The following CYTH1 variants were observed in gnomAD, a reference collection of about 807,000 sequenced individuals.
CYTH1 encodes the protein cytohesin 1.
In CYTH1, 18 loss-of-function variants were observed where a neutral mutation model predicts 61.8. The observed-to-expected ratio is 0.29, with a 90% CI of 0.20 to 0.43. CYTH1 has a LOEUF of 0.43. Among genes scored for constraint, CYTH1 ranks in the 20% least tolerant of loss-of-function variants. The pLI is 1.00. For synonymous variants in CYTH1, 174 were observed against 184.3 expected, an observed-to-expected ratio of 0.94 and a Z score of 0.45; for missense variants, 336 against 510.5, an observed-to-expected ratio of 0.66 and a Z score of 3.29.
chr17:78,694,361 C>T (rs888516686), intron 10 of CYTH1, among the ~76,000 whole-genome samples: 3 of 152,238 alleles, frequency 2.0e-5, no homozygotes, highest in African/African-American at 7.2e-5. Context: ...CCTCCAGTAA[C>T]TTCTAAGTTT....
At chr17:78,760,528 T>C (rs1230629030) in intron 1 of CYTH1, among the ~76,000 whole-genome samples, 2 of 47,400 alleles carry the variant, frequency 4.2e-5, no homozygotes, top group Admixed American at 2.4e-4. Context: ...TATATATATA[T>C]ATACATACAT....
At chr17:78,738,937 A>G (rs2093331690) in intron 1 of CYTH1, among the ~76,000 whole-genome samples, 1 of 152,230 alleles carries the variant, frequency 6.6e-6, no homozygotes, top group Non-Finnish European at 1.5e-5. Context: ...GCTTTCACAG[A>G]TGCTGCCAAA....
At position 78,702,033 on chromosome 17, in the gene CYTH1, C is replaced by G; in HGVS notation, c.356+89G>C. 3 of 1,161,020 alleles carry G rather than the reference C, an allele frequency of 2.6e-6. No individual in the cohort carries two copies. In the South Asian group the frequency reaches 4.0e-5, roughly 16 times the overall value. 71.9% of individuals were successfully genotyped at this position (1,161,020 alleles called of 1,614,324 possible). A position where few individuals can be genotyped will look rare whatever the true frequency, so the allele number is the denominator to read the frequency against. ...CAGATGCTTTAAGGCAAAAACCCCT[C>G]CAAGAACTTCAGAGTATTTGGGAGT... is the stretch of plus-strand genomic sequence containing the variant. On this transcript the variant is annotated intron_variant, in intron 5 of 13. Coordinates refer to ENST00000446868, the MANE Select transcript of CYTH1 (RefSeq NM_004762.6).
chr17:78,760,120 T>G (rs2093416061), intron 1 of CYTH1, among the ~76,000 whole-genome samples: 1 of 151,832 alleles, frequency 6.6e-6, no homozygotes, highest in Non-Finnish European at 1.5e-5. Context: ...ACCACCATTC[T>G]AACCCAAATT....
At chr17:78,735,885 C>T (rs1429589046) in intron 1 of CYTH1, among the ~76,000 whole-genome samples, 1 of 152,216 alleles carries the variant, frequency 6.6e-6, no homozygotes, top group African/African-American at 2.4e-5. Context: ...AACACACACA[C>T]ATCCACAAAC....
At chr17:78,745,829 T>C (rs1298404933) in intron 1 of CYTH1, among the ~76,000 whole-genome samples, 1 of 152,072 alleles carries the variant, frequency 6.6e-6, no homozygotes, top group African/African-American at 2.4e-5. Context: ...GAGGCAGAGG[T>C]TGCAGTGAGC....
In CYTH1 at chr17:78,720,807, T is replaced by A. The variant is rs995528657; in HGVS notation, c.23-11075A>T. Among the ~76,000 whole-genome samples, 4 of 152,130 alleles carry A rather than the reference T, an allele frequency of 2.6e-5. No individual in the cohort carries two copies. In the East Asian group the frequency reaches 7.8e-4, roughly 30 times the overall value. On this transcript the variant is annotated intron_variant, in intron 1 of 13. Transcript: ENST00000446868. ...CGAGGACCGCGTAAGCCCTGGAATG[T>A]GGAGGTTGCAGTGAGCCCAGGTTGC...
Position 78,700,398 on chromosome 17 carries a change from G to T in CYTH1, c.483C>A (p.Ile161=). 1 of 1,613,642 alleles carries T rather than the reference G, an allele frequency of 6.2e-7. No individual in the cohort carries two copies. The highest frequency in any genetic ancestry group is 8.5e-7 in the Non-Finnish European group (1 of 1,179,768). Residue 161 remains isoleucine (I), a synonymous_variant, in exon 7 of 14, where the codon ATC becomes ATA. Transcript: ENST00000446868. The surrounding 1 kb of genome is among the most constrained non-coding windows in gnomAD (Gnocchi z 5.1). ...SFRLPGEAQK[I]DRMMEAFAQR... is the part of the protein sequence containing the mutation. ...GGGCAAACGCCTCCATCATCCGGTC[G>T]ATCTTCTGGGCCTCTCCGGGTAGCC...
intron 1 of CYTH1, among the ~76,000 whole-genome samples, chr17:78,747,626 C>T (rs2093364611): frequency 6.6e-6 from 1 of 152,220 alleles, no homozygotes; most frequent in Non-Finnish European, 1.5e-5. Flanking sequence ...TACTTTCTGC[C>T]TCTACAGATT....
At chr17:78,752,510 A>G (rs2093384399) in intron 1 of CYTH1, among the ~76,000 whole-genome samples, 1 of 152,092 alleles carries the variant, frequency 6.6e-6, no homozygotes, top group African/African-American at 2.4e-5. Flanking sequence ...TCAGCTCACC[A>G]CAACCTCCGT....
chr17:78,772,289 C>G (rs2093474479), intron 1 of CYTH1, among the ~76,000 whole-genome samples: 1 of 152,170 alleles, frequency 6.6e-6, no homozygotes, highest in South Asian at 2.1e-4. Context: ...GCACAATACA[C>G]AGAGATGTTT....
chr17:78,710,127 C>G (rs572151237), intron 1 of CYTH1, among the ~76,000 whole-genome samples: 1 of 152,214 alleles, frequency 6.6e-6, no homozygotes, highest in East Asian at 1.9e-4. Flanking sequence ...AACAGAGTCT[C>G]CGAGATGGAA....
At chr17:78,741,610 C>T (rs763253798) in intron 1 of CYTH1, among the ~76,000 whole-genome samples, 5 of 152,156 alleles carry the variant, frequency 3.3e-5, no homozygotes, top group Non-Finnish European at 5.9e-5. Context: ...AGGGGCAGCC[C>T]CCATCACTGC....
At chr17:78,704,413 G>A (rs537138556) in intron 3 of CYTH1, among the ~76,000 whole-genome samples, 16 of 152,140 alleles carry the variant, frequency 1.1e-4, no homozygotes, top group Admixed American at 5.2e-4. Flanking sequence ...AAAGTTGCTC[G>A]GAAATAAAAT....
chr17:78,749,908 A>T (rs2093373247), intron 1 of CYTH1, among the ~76,000 whole-genome samples: 1 of 152,208 alleles, frequency 6.6e-6, no homozygotes, highest in Admixed American at 6.5e-5. Context: ...AAATTGCAGA[A>T]ACTACTATTA....
intron 13 of CYTH1, chr17:78,676,941 T>C (rs1275494147): frequency 2.2e-6 from 1 of 451,986 alleles, no homozygotes; most frequent in African/African-American, 2.0e-5. Flanking sequence ...TCCTAAGTGA[T>C]GATTTGTTCC....
At chr17:78,677,143 T>A in intron 13 of CYTH1, 1 of 451,372 alleles carries the variant, frequency 2.2e-6, no homozygotes, top group South Asian at 1.6e-5. Context: ...CATGTCCCGA[T>A]GGGATCTCAC....
At chr17:78,773,070 C>T (rs370573362) in intron 1 of CYTH1, among the ~76,000 whole-genome samples, 6 of 152,068 alleles carry the variant, frequency 3.9e-5, no homozygotes, top group Admixed American at 2.0e-4. Flanking sequence ...TGAGCTTAAG[C>T]GATCTGCCCA....
At chr17:78,770,983 C>T (rs934316292) in intron 1 of CYTH1, among the ~76,000 whole-genome samples, 1 of 152,144 alleles carries the variant, frequency 6.6e-6, no homozygotes, top group African/African-American at 2.4e-5. Flanking sequence ...CAAAAACTGG[C>T]CAGGCGCAGT....
Sources: gnomAD v4.1 joint callset for allele counts (sites outside exome capture counted in the v4.1 genomes callset) on GRCh38, gnomAD v4.1.1 for gene constraint, Gnocchi (gnomAD v3.1) non-coding constraint, MANE v1.5 for transcripts, NCBI Gene and HGNC (gene_info 2026-07-23, HGNC 2026-07-21) for gene names.